RBM6: variants seen among roughly 807,000 people sequenced by gnomAD.
RBM6 encodes the protein RNA-binding protein 6.
Under a neutral mutation model 140.4 loss-of-function variants are expected in RBM6, and 23 were observed. That is an observed-to-expected ratio of 0.16 (90% CI 0.12 to 0.23). RBM6 has a LOEUF of 0.23. Ranked by LOEUF, RBM6 falls within the 10% of genes least tolerant of loss-of-function variation. The probability of loss-of-function intolerance (pLI) is 1.00; values close to 1 mark genes in which losing one functional copy is unlikely to be tolerated. For missense variants in RBM6, 1,139 were observed against 1,386.7 expected, an observed-to-expected ratio of 0.82 and a Z score of 2.84; for synonymous variants, 439 against 475.6, an observed-to-expected ratio of 0.92 and a Z score of 1.00.
chr3:50,029,865 T>C (rs6446194), intron 6 of RBM6, among the ~76,000 whole-genome samples: 1 of 151,144 alleles, frequency 6.6e-6, no homozygotes, highest in Non-Finnish European at 1.5e-5. Flanking sequence ...GCTATAAAAA[T>C]TTTTTAAAAA....
chr3:50,034,090 C>CTTTTT (rs68118556), intron 6 of RBM6, among the ~76,000 whole-genome samples: 1 of 116,214 alleles, frequency 8.6e-6, no homozygotes, highest in African/African-American at 3.3e-5. Flanking sequence ...TCTATACTTC[C>CTTTTT]TTTTTTTTTT....
chr3:50,021,413 G>A (rs950414093), intron 6 of RBM6, among the ~76,000 whole-genome samples: 8 of 152,102 alleles, frequency 5.3e-5, no homozygotes, highest in African/African-American at 1.9e-4. Flanking sequence ...GCCGAAACAG[G>A]CAGATCACCT....
chr3:50,072,129 C>T (rs1425573768), intron 19 of RBM6, among the ~76,000 whole-genome samples: 1 of 146,054 alleles, frequency 6.8e-6, no homozygotes, highest in African/African-American at 2.5e-5. Flanking sequence ...AAAATGGGGC[C>T]AGGTGTGGTG....
At chr3:50,021,449 A>G (rs2087474897) in intron 6 of RBM6, among the ~76,000 whole-genome samples, 1 of 152,072 alleles carries the variant, frequency 6.6e-6, no homozygotes, top group Non-Finnish European at 1.5e-5. Context: ...AGACCAGCCT[A>G]GCCAACATGT....
intron 8 of RBM6, among the ~76,000 whole-genome samples, chr3:50,055,917 A>G (rs2089677775): frequency 6.6e-6 from 1 of 152,220 alleles, no homozygotes; most frequent in African/African-American, 2.4e-5. Flanking sequence ...ACATGCATCC[A>G]TAACAACAGT....
intron 6 of RBM6, among the ~76,000 whole-genome samples, chr3:50,043,487 CAA>C (rs11434039): frequency 2.1e-5 from 3 of 141,280 alleles, no homozygotes. Context: ...GACCCTGTCT[CAA>C]AAAAAAAAAA....
intron 1 of RBM6, among the ~76,000 whole-genome samples, chr3:49,958,626 C>G (rs1475101741): frequency 6.6e-6 from 1 of 151,642 alleles, no homozygotes; most frequent in Non-Finnish European, 1.5e-5. Flanking sequence ...TGGCGGGCGC[C>G]TGTAGTCCCA....
intron 6 of RBM6, among the ~76,000 whole-genome samples, chr3:50,006,333 A>G (rs2086573654): frequency 6.6e-6 from 1 of 151,526 alleles, no homozygotes; most frequent in Non-Finnish European, 1.5e-5. Flanking sequence ...ATGGGGTTTC[A>G]CCATGTTGGC....
intron 1 of RBM6, chr3:49,940,632 GTA>G (rs1201127128): frequency 1.9e-5 from 3 of 155,430 alleles, no homozygotes; most frequent in Non-Finnish European, 2.9e-5. Flanking sequence ...TGCTTAGCAC[GTA>G]GCCTCGTCCT....
intron 6 of RBM6, among the ~76,000 whole-genome samples, chr3:50,029,728 G>C (rs2088039718): frequency 6.6e-6 from 1 of 151,912 alleles, no homozygotes; most frequent in Non-Finnish European, 1.5e-5. Context: ...GCGAGACTCT[G>C]TCTCAAAAAA....
At chr3:50,047,977 G>A (rs1253318042) in intron 6 of RBM6, among the ~76,000 whole-genome samples, 3 of 152,156 alleles carry the variant, frequency 2.0e-5, no homozygotes, top group Non-Finnish European at 4.4e-5. Context: ...ACTGGGCATA[G>A]CCTGCCCAAG....
intron 1 of RBM6, among the ~76,000 whole-genome samples, chr3:49,956,957 G>T (rs1257132552): frequency 6.6e-6 from 1 of 152,128 alleles, no homozygotes; most frequent in Non-Finnish European, 1.5e-5. Flanking sequence ...AAGCCACCAG[G>T]CCTGGCCTGC....
intron 6 of RBM6, among the ~76,000 whole-genome samples, chr3:50,021,253 A>G (rs549432061): frequency 1.3e-5 from 2 of 152,276 alleles, no homozygotes; most frequent in Admixed American, 1.3e-4. Flanking sequence ...TGTATCATCT[A>G]TCTGTGTATC....
At chr3:49,971,910 A>G (rs1363696149) in intron 3 of RBM6, 149 bp from the exon 4 acceptor site, 2 of 614,958 alleles carry the variant, frequency 3.3e-6, no homozygotes, top group Non-Finnish European at 5.8e-6. Context: ...ACATTCTGGC[A>G]CTCAGAACAA....
chr3:50,002,248 T>C (rs535420534), intron 6 of RBM6, among the ~76,000 whole-genome samples: 1 of 150,712 alleles, frequency 6.6e-6, no homozygotes, highest in South Asian at 2.1e-4. Flanking sequence ...CCACCATGCT[T>C]GGGTAAATTT....
intron 2 of RBM6, among the ~76,000 whole-genome samples, chr3:49,964,015 C>T (rs908090340): frequency 2.6e-5 from 4 of 152,100 alleles, no homozygotes; most frequent in African/African-American, 9.7e-5. Flanking sequence ...ATTCTCCTCC[C>T]TTAGCCTCCT....
chr3:50,053,787 CATT>C (rs2089584961), intron 7 of RBM6, among the ~76,000 whole-genome samples: 1 of 152,218 alleles, frequency 6.6e-6, no homozygotes, highest in African/African-American at 2.4e-5. Context: ...AAAATAATTA[CATT>C]CACATTAAAA....
chr3:50,009,973 C>T (rs1275939002), intron 6 of RBM6, among the ~76,000 whole-genome samples: 1 of 152,124 alleles, frequency 6.6e-6, no homozygotes, highest in African/African-American at 2.4e-5. Flanking sequence ...ACTGCAACCT[C>T]TGCCTCCCGG....
intron 3 of RBM6, among the ~76,000 whole-genome samples, chr3:49,970,330 T>C (rs2084732860): frequency 6.6e-6 from 1 of 152,182 alleles, no homozygotes; most frequent in Admixed American, 6.5e-5. Context: ...TCCCCCCACC[T>C]TAGCTTCCCA....
Sources: gnomAD v4.1 joint callset for allele counts (sites outside exome capture counted in the v4.1 genomes callset) on GRCh38, gnomAD v4.1.1 for gene constraint, MANE v1.5 for transcripts, NCBI Gene and HGNC (gene_info 2026-07-23, HGNC 2026-07-21) for gene names.